The following PXT1 variants were observed in gnomAD, a reference collection of about 807,000 sequenced individuals.
PXT1 encodes the protein peroxisomal testis enriched protein 1, also known as peroxisomal testis-specific protein 1.
A neutral mutation model predicts 11.0 loss-of-function variants in PXT1; 11 were observed. The observed-to-expected ratio is 1.00, with a 90% CI of 0.63 to 1.66. PXT1 has a LOEUF of 1.66. PXT1 is among the 40% of genes most tolerant of loss of function. The probability of loss-of-function intolerance (pLI) is 0.00; values close to 1 mark genes in which losing one functional copy is unlikely to be tolerated. For synonymous variants in PXT1, 43 were observed against 51.4 expected (o/e 0.84, Z 0.70); for missense variants, 141 against 155.5 (o/e 0.91, Z 0.49).
rs558969417 is a variant in PXT1 at position 36,428,990 on chromosome 6, A to G, written c.-9-2899T>C. Among the ~76,000 whole-genome samples the G allele has an allele frequency of 5.3e-3, 800 of 151,974 alleles. 5 individuals are homozygous for G. The highest frequency in any genetic ancestry group is 0.018 in the African/African-American group (741 of 41,480). ...TTTTAAAATATATGTCAGGACCAGA[A>G]GTGGTGTGGCTTATGCCTGGAATCC... On this transcript the variant is annotated intron_variant, in intron 2 of 4. Coordinates refer to ENST00000454782, the MANE Select transcript of PXT1 (RefSeq NM_152990.4).
At chr6:36,422,712 A>T (rs995327885) in intron 3 of PXT1, among the ~76,000 whole-genome samples, 5 of 151,966 alleles carry the variant, frequency 3.3e-5, no homozygotes, top group South Asian at 2.1e-4. Context: ...GCAAAAAATT[A>T]AAAAAAGCAA....
intron 3 of PXT1, among the ~76,000 whole-genome samples, chr6:36,402,486 A>G (rs1269753293): frequency 1.3e-5 from 2 of 152,202 alleles, no homozygotes; most frequent in Non-Finnish European, 2.9e-5. Context: ...ATAAACTACA[A>G]TTCAACATGT....
At chr6:36,419,808 G>A (rs984630869) in intron 3 of PXT1, among the ~76,000 whole-genome samples, 1 of 152,158 alleles carries the variant, frequency 6.6e-6, no homozygotes, top group Admixed American at 6.5e-5. Flanking sequence ...GCACATTCAT[G>A]TATTTAAAGC....
chr6:36,415,525 C>T (rs932782790), intron 3 of PXT1, among the ~76,000 whole-genome samples: 12 of 152,064 alleles, frequency 7.9e-5, no homozygotes, highest in African/African-American at 2.9e-4. Context: ...GAAAAGAGAA[C>T]TGGTCTTGTA....
chr6:36,423,530 G>C (rs998769037), intron 3 of PXT1, among the ~76,000 whole-genome samples: 1 of 152,234 alleles, frequency 6.6e-6, no homozygotes, highest in Admixed American at 6.5e-5. Context: ...GGCTCCTGGC[G>C]GGAGCGGGAG....
intron 3 of PXT1, among the ~76,000 whole-genome samples, chr6:36,406,464 A>C (rs767239720): frequency 6.6e-5 from 10 of 152,182 alleles, no homozygotes; most frequent in Non-Finnish European, 1.0e-4. Flanking sequence ...AAATATTGAA[A>C]GGACAGGGGA....
At chr6:36,406,736 G>A (rs575244977) in intron 3 of PXT1, among the ~76,000 whole-genome samples, 27 of 151,688 alleles carry the variant, frequency 1.8e-4, no homozygotes, top group Non-Finnish European at 2.6e-4. Flanking sequence ...GCTTGAACCC[G>A]GGAGGTAGAG....
chr6:36,435,239 G>A (rs1189554682), intron 2 of PXT1, among the ~76,000 whole-genome samples: 1 of 152,134 alleles, frequency 6.6e-6, no homozygotes, highest in African/African-American at 2.4e-5. Context: ...AGAAGTTGGA[G>A]AACCCCATCT....
At chr6:36,420,080 CACTT>C (rs1338919419) in intron 3 of PXT1, among the ~76,000 whole-genome samples, 3 of 152,172 alleles carry the variant, frequency 2.0e-5, no homozygotes, top group Non-Finnish European at 4.4e-5. Context: ...ACTTATATAG[CACTT>C]ACAACATGTC....
chr6:36,409,057 G>A (rs1467355908), intron 3 of PXT1, among the ~76,000 whole-genome samples: 1 of 152,110 alleles, frequency 6.6e-6, no homozygotes, highest in African/African-American at 2.4e-5. Context: ...TCCACTGCCA[G>A]GCATAATGTT....
intron 4 of PXT1, among the ~76,000 whole-genome samples, chr6:36,396,771 G>A (rs986450014): frequency 1.4e-4 from 21 of 152,222 alleles, no homozygotes; most frequent in African/African-American, 3.6e-4. Flanking sequence ...AGGACAAAGA[G>A]GGTAGAGAGA....
At chr6:36,420,827 C>A (rs184014985) in intron 3 of PXT1, among the ~76,000 whole-genome samples, 1 of 152,024 alleles carries the variant, frequency 6.6e-6, no homozygotes, top group Non-Finnish European at 1.5e-5. Context: ...CCAAGGTGGG[C>A]GGATCACCTG....
chr6:36,390,724 A>C lies in PXT1; in HGVS notation c.*1046T>G, dbSNP rs1774053868. 1 of 152,238 alleles carries C rather than the reference A, an allele frequency of 6.6e-6. No individual in the cohort carries two copies. Among genetic ancestry groups the C allele is most frequent in the Admixed American group, 6.5e-5 (1 of 15,284 alleles). The allele number at this position is 152,238 out of a possible 1,614,324, so 9.4% of individuals were successfully genotyped here. Reference sequence around the variant, plus strand: ...GAGAGAGGGACTATGAGGTAGACAAAAAGGTAAAAGAAGAAGCATGCAGGT... The same window carrying C: ...GAGAGAGGGACTATGAGGTAGACAACAAGGTAAAAGAAGAAGCATGCAGGT... On this transcript the variant is annotated 3_prime_UTR_variant, in exon 5 of 5. Transcript: ENST00000454782.
intron 4 of PXT1, among the ~76,000 whole-genome samples, chr6:36,398,567 C>A (rs552268146): frequency 6.6e-6 from 1 of 152,240 alleles, no homozygotes; most frequent in African/African-American, 2.4e-5. Context: ...CTGATACATG[C>A]TACAATGTGG....
At chr6:36,423,412 G>A (rs987003279) in intron 3 of PXT1, among the ~76,000 whole-genome samples, 2 of 152,248 alleles carry the variant, frequency 1.3e-5, no homozygotes, top group African/African-American at 2.4e-5. Context: ...GAAAAAGCGC[G>A]CGCGCGGACG....
rs1057397692 is a variant in PXT1, at chr6:36,391,599, A to T, written c.*171T>A. The T allele has an allele frequency of 6.2e-6, 4 of 640,080 alleles. No homozygotes were observed. In the African/African-American group the frequency reaches 7.4e-5, roughly 12 times the overall value. 39.7% of individuals were successfully genotyped at this position (640,080 alleles called of 1,614,324 possible). A position where few individuals can be genotyped will look rare whatever the true frequency, so the allele number is the denominator to read the frequency against. ...TCATAGCTAGCTCCTCCGAAGAGAC[A>T]AATGGCTCGTGAACCCGCAGTTCTT... On this transcript the variant is annotated 3_prime_UTR_variant, in exon 5 of 5. Coordinates refer to ENST00000454782, the MANE Select transcript of PXT1 (RefSeq NM_152990.4).
At chr6:36,395,014 A>AAG (rs1262205802) in intron 4 of PXT1, among the ~76,000 whole-genome samples, 4 of 151,556 alleles carry the variant, frequency 2.6e-5, no homozygotes, top group East Asian at 1.9e-4. Flanking sequence ...AAACAAAAAA[A>AAG]AGAGAGAGAG....
At chr6:36,396,176 A>G (rs1774141966) in intron 4 of PXT1, among the ~76,000 whole-genome samples, 1 of 152,206 alleles carries the variant, frequency 6.6e-6, no homozygotes. Flanking sequence ...AAACCCTCAT[A>G]TTTACAGCCC....
chr6:36,424,426 G>T (rs1267504995), intron 3 of PXT1, among the ~76,000 whole-genome samples: 1 of 151,964 alleles, frequency 6.6e-6, no homozygotes, highest in Non-Finnish European at 1.5e-5. Flanking sequence ...CAGATCACGA[G>T]GTCAGGAGAT....
Sources: allele counts gnomAD v4.1 joint callset (sites outside exome capture counted in the v4.1 genomes callset), GRCh38; gene constraint gnomAD v4.1.1; transcripts MANE v1.5; gene names NCBI Gene and HGNC (gene_info 2026-07-23, HGNC 2026-07-21).